ARHGAP18: variants seen among roughly 807,000 people sequenced by gnomAD.
ARHGAP18 encodes rho GTPase-activating protein 18.
ARHGAP18 carries 67 observed loss-of-function variants against 86.2 expected under a neutral mutation model. The ratio of observed to expected loss-of-function variants is 0.78; its 90% CI spans 0.64 to 0.95. The LOEUF (loss-of-function observed/expected upper bound fraction) is 0.95, where lower values mean the gene tolerates loss of function less well. ARHGAP18 is among the 40% of genes least tolerant of loss of function. The probability of loss-of-function intolerance (pLI) is 0.00; values close to 1 mark genes in which losing one functional copy is unlikely to be tolerated. For synonymous variants in ARHGAP18, 283 were observed against 280.4 expected, an observed-to-expected ratio of 1.01 and a Z score of -0.09; for missense variants, 691 against 780.4, an observed-to-expected ratio of 0.89 and a Z score of 1.37.
At chr6:129,694,568 C>T (rs1267764459) in intron 1 of ARHGAP18, among the ~76,000 whole-genome samples, 1 of 152,178 alleles carries the variant, frequency 6.6e-6, no homozygotes, top group Admixed American at 6.5e-5. Flanking sequence ...AAAACATACA[C>T]AACAAAACTC....
chr6:129,655,375 G>T (rs1261055250), intron 1 of ARHGAP18, among the ~76,000 whole-genome samples: 1 of 149,940 alleles, frequency 6.7e-6, no homozygotes, highest in Non-Finnish European at 1.5e-5. Context: ...AACAGAGCCT[G>T]TAGAGACCAT....
chr6:129,601,018 C>T lies in ARHGAP18; in HGVS notation c.1366-170G>A, dbSNP rs1200019783. On this transcript the variant is annotated intron_variant, in intron 10 of 14. Coordinates refer to ENST00000368149, the MANE Select transcript of ARHGAP18 (RefSeq NM_033515.3). ...CCAAAGCTTCTCCATTTGGTTGATGCTCCCTGAGATGGAAATTTGCTTCTA... is the reference window on the plus strand; with the variant it reads ...CCAAAGCTTCTCCATTTGGTTGATGTTCCCTGAGATGGAAATTTGCTTCTA... 5.3e-5 allele frequency among the ~76,000 whole-genome samples: 8 copies of T among 152,252 alleles called. No homozygotes were observed. In the East Asian group the frequency reaches 1.5e-3, roughly 29 times the overall value.
chr6:129,633,926 T>C, intron 4 of ARHGAP18, 116 bp downstream of exon 4: 1 of 886,184 alleles, frequency 1.1e-6, no homozygotes, highest in South Asian at 1.9e-5. Context: ...GACCTTACAT[T>C]AACATTTTAA....
At chr6:129,657,463 G>A (rs1773863819) in intron 1 of ARHGAP18, among the ~76,000 whole-genome samples, 2 of 150,768 alleles carry the variant, frequency 1.3e-5, no homozygotes, top group South Asian at 2.1e-4. Context: ...ATACATGTTG[G>A]GCCAGACTGG....
intron 1 of ARHGAP18, among the ~76,000 whole-genome samples, chr6:129,669,454 G>A (rs1321724027): frequency 6.6e-6 from 1 of 150,506 alleles, no homozygotes; most frequent in Non-Finnish European, 1.5e-5. Flanking sequence ...TTACAGGCGT[G>A]AGCCACCGCG....
intron 12 of ARHGAP18, among the ~76,000 whole-genome samples, chr6:129,596,317 T>C (rs1788615315): frequency 6.6e-6 from 1 of 152,140 alleles, no homozygotes; most frequent in Non-Finnish European, 1.5e-5. Flanking sequence ...TAAGGTTTTT[T>C]CACAGACTAT....
chr6:129,604,087 T>C (rs1481437596), intron 10 of ARHGAP18, among the ~76,000 whole-genome samples: 3 of 152,224 alleles, frequency 2.0e-5, no homozygotes, highest in African/African-American at 7.2e-5. Context: ...AATGTTCTAT[T>C]ATTAAAGTTC....
chr6:129,603,032 G>A lies in ARHGAP18; in HGVS notation c.1366-2184C>T, dbSNP rs137909271. 8.5e-3 allele frequency among the ~76,000 whole-genome samples: 1,276 copies of A among 150,790 alleles called. 20 individuals carry two copies. The highest frequency in any genetic ancestry group is 0.03 in the African/African-American group (1,229 of 41,180). ...TTTCAATAGTTTTTGGGATATAGGT[G>A]GTTTTTGCTTACATGGGTAAGTTCT... On this transcript the variant is annotated intron_variant, in intron 10 of 14. Transcript: ENST00000368149.
At chr6:129,686,978 C>CTTTTTTT (rs71028176) in intron 1 of ARHGAP18, among the ~76,000 whole-genome samples, 42 of 106,928 alleles carry the variant, frequency 3.9e-4, no homozygotes, top group African/African-American at 6.2e-4. Context: ...TTTTTTTTTT[C>CTTTTTTT]TTTTTTTTTT....
chr6:129,696,544 G>C (rs564070070), intron 1 of ARHGAP18, among the ~76,000 whole-genome samples: 2 of 152,084 alleles, frequency 1.3e-5, no homozygotes, highest in Non-Finnish European at 2.9e-5. Flanking sequence ...CCAATCCTTC[G>C]AAAATATCAA....
intron 10 of ARHGAP18, among the ~76,000 whole-genome samples, chr6:129,601,055 G>C (rs1205988078): frequency 6.6e-6 from 1 of 152,162 alleles, no homozygotes; most frequent in Non-Finnish European, 1.5e-5. Context: ...TAAGGACCAT[G>C]GTGCTGGGGA....
intron 7 of ARHGAP18, among the ~76,000 whole-genome samples, chr6:129,612,111 T>C (rs1371958662): frequency 2.0e-5 from 3 of 152,242 alleles, no homozygotes; most frequent in Non-Finnish European, 4.4e-5. Context: ...TCCTTGTATA[T>C]GGCCTCTAAG....
chr6:129,625,389 AT>A (rs1261321459), intron 5 of ARHGAP18, among the ~76,000 whole-genome samples: 1 of 74,472 alleles, frequency 1.3e-5, no homozygotes, highest in East Asian at 4.9e-4. Context: ...TATATTATAT[AT>A]TTATACATAT....
At chr6:129,698,890 G>A (rs548703239) in intron 1 of ARHGAP18, among the ~76,000 whole-genome samples, 31 of 151,948 alleles carry the variant, frequency 2.0e-4, no homozygotes, top group Admixed American at 4.6e-4. Flanking sequence ...ACGGGGTTTC[G>A]CCACGTTGGC....
At chr6:129,626,434 A>G (rs962575261) in intron 5 of ARHGAP18, among the ~76,000 whole-genome samples, 3 of 151,988 alleles carry the variant, frequency 2.0e-5, no homozygotes, top group African/African-American at 7.2e-5. Context: ...TTTTTAATAC[A>G]CTTTGTTTTT....
intron 1 of ARHGAP18, chr6:129,661,849 C>T (rs999965915): frequency 1.0e-5 from 10 of 985,020 alleles, no homozygotes; most frequent in South Asian, 4.7e-5. Flanking sequence ...GCTCACCCAG[C>T]GAACAATTTT....
intron 12 of ARHGAP18, among the ~76,000 whole-genome samples, chr6:129,594,623 A>C (rs1405420894): frequency 6.6e-6 from 1 of 152,110 alleles, no homozygotes; most frequent in Non-Finnish European, 1.5e-5. Context: ...CAGGCACGTT[A>C]ACCCAAAGTG....
intron 5 of ARHGAP18, 84 bp downstream of exon 5, chr6:129,629,269 G>A (rs1166787604): frequency 8.8e-6 from 10 of 1,140,538 alleles, no homozygotes; most frequent in South Asian, 1.5e-5. Flanking sequence ...ATATGTGTGT[G>A]TGCGTGTGTG....
At chr6:129,640,423 A>G (rs1773431093) in intron 2 of ARHGAP18, among the ~76,000 whole-genome samples, 1 of 152,236 alleles carries the variant, frequency 6.6e-6, no homozygotes, top group Non-Finnish European at 1.5e-5. Flanking sequence ...TCAGCAGACT[A>G]GTATGCTACT....
Sources: gnomAD v4.1 joint callset for allele counts (sites outside exome capture counted in the v4.1 genomes callset) on GRCh38, gnomAD v4.1.1 for gene constraint, MANE v1.5 for transcripts, NCBI Gene and HGNC (gene_info 2026-07-23, HGNC 2026-07-21) for gene names.